Variants in PTPRD observed in about 807,000 individuals in gnomAD.
PTPRD encodes the protein protein tyrosine phosphatase receptor type D, also known as receptor-type tyrosine-protein phosphatase delta.
Under a neutral mutation model 214.5 loss-of-function variants are expected in PTPRD, and 34 were observed. The observed-to-expected ratio is 0.16, with a 90% CI of 0.12 to 0.21. The LOEUF (loss-of-function observed/expected upper bound fraction) is 0.21, where lower values mean the gene tolerates loss of function less well. Ranked by LOEUF, PTPRD falls within the 10% of genes least tolerant of loss-of-function variation. PTPRD has a pLI of 1.00. For synonymous variants in PTPRD, 1,128 were observed against 845.7 expected (o/e 1.33, Z -5.79); for missense variants, 2,545 against 2,398.7 (o/e 1.06, Z -1.27).
intron 13 of PTPRD, among the ~76,000 whole-genome samples, chr9:8,634,551 T>A (rs1276548661): frequency 6.6e-6 from 1 of 152,096 alleles, no homozygotes; most frequent in African/African-American, 2.4e-5. Flanking sequence ...TTGTTCAAAA[T>A]TCACAAAAAT....
chr9:8,625,252 C>A (rs2095983304), intron 14 of PTPRD, among the ~76,000 whole-genome samples: 1 of 151,750 alleles, frequency 6.6e-6, no homozygotes, highest in African/African-American at 2.4e-5. Context: ...TATACCTTCT[C>A]AAGTTTTTGT....
chr9:9,777,624 G>T (rs1055830960), intron 5 of PTPRD, among the ~76,000 whole-genome samples: 23 of 152,278 alleles, frequency 1.5e-4, no homozygotes, highest in African/African-American at 5.5e-4. Context: ...CTTGAGCCAG[G>T]AGGTCAAGTT....
chr9:9,385,074 G>T (rs1321776680), intron 9 of PTPRD, among the ~76,000 whole-genome samples: 1 of 151,992 alleles, frequency 6.6e-6, no homozygotes, highest in Non-Finnish European at 1.5e-5. Flanking sequence ...CTCTTTCATA[G>T]GTTGAACAAA....
intron 7 of PTPRD, among the ~76,000 whole-genome samples, chr9:9,690,748 C>A (rs977571443): frequency 6.6e-6 from 1 of 151,888 alleles, no homozygotes; most frequent in African/African-American, 2.4e-5. Flanking sequence ...ACACTTTCAA[C>A]ACCTTTGTTG....
intron 12 of PTPRD, among the ~76,000 whole-genome samples, chr9:8,673,623 T>A (rs147304493): frequency 1.6e-3 from 239 of 152,334 alleles, no homozygotes; most frequent in African/African-American, 5.5e-3. Context: ...ATCTCATTTA[T>A]GTTTTTCTCT....
chr9:10,337,987 T>C (rs1206021084), intron 3 of PTPRD, among the ~76,000 whole-genome samples: 2 of 151,702 alleles, frequency 1.3e-5, no homozygotes, highest in Non-Finnish European at 2.9e-5. Flanking sequence ...AAATTTATCT[T>C]GTTGGGAAAA....
At chr9:10,222,654 T>A (rs759890959) in intron 3 of PTPRD, among the ~76,000 whole-genome samples, 3 of 152,024 alleles carry the variant, frequency 2.0e-5, no homozygotes, top group Admixed American at 6.6e-5. Context: ...AAATCGTAAA[T>A]GCTCATAGAG....
intron 39 of PTPRD, among the ~76,000 whole-genome samples, chr9:8,346,298 A>T (rs945620026): frequency 6.6e-6 from 1 of 152,122 alleles, no homozygotes; most frequent in Non-Finnish European, 1.5e-5. Flanking sequence ...TGCTGAAATA[A>T]ATATATTAAA....
chr9:8,898,788 C>T (rs1239741176), intron 11 of PTPRD, among the ~76,000 whole-genome samples: 2 of 152,026 alleles, frequency 1.3e-5, no homozygotes, highest in Non-Finnish European at 2.9e-5. Flanking sequence ...GAGGACCATG[C>T]ATATCAGACA....
chr9:8,607,245 C>T (rs1191493833), intron 14 of PTPRD, among the ~76,000 whole-genome samples: 1 of 152,126 alleles, frequency 6.6e-6, no homozygotes, highest in Non-Finnish European at 1.5e-5. Context: ...TTAGTCATTC[C>T]ACAGTGTATA....
intron 2 of PTPRD, among the ~76,000 whole-genome samples, chr9:10,590,834 T>A (rs2132868898): frequency 6.6e-6 from 1 of 151,766 alleles, no homozygotes; most frequent in South Asian, 2.1e-4. Context: ...ACTACATAAG[T>A]CACTATTAGC....
chr9:8,724,954 A>AAT (rs2098541872), intron 12 of PTPRD, among the ~76,000 whole-genome samples: 1 of 152,136 alleles, frequency 6.6e-6, no homozygotes, highest in Admixed American at 6.6e-5. Context: ...AAATAATAAT[A>AAT]ATAGCTAAAA....
rs766220796 is a variant in PTPRD, at chr9:8,532,856, G to GT, written c.353-4078dup. On this transcript the variant is annotated intron_variant, in intron 14 of 45. Coordinates refer to ENST00000381196, the MANE Select transcript of PTPRD (RefSeq NM_002839.4). ...TATAGCACCCTCTTTGAATCTGTTG[G>GT]TATCTTAATGAAATATGCTGATACA... Among the ~76,000 whole-genome samples, 171 of 152,098 alleles carry GT rather than the reference G, an allele frequency of 1.1e-3. 1 individual carries two copies. The highest frequency in any genetic ancestry group is 3.4e-3 in the Middle Eastern group (1 of 294).
At chr9:10,258,351 C>T (rs1488723569) in intron 3 of PTPRD, among the ~76,000 whole-genome samples, 1 of 151,982 alleles carries the variant, frequency 6.6e-6, no homozygotes, top group Non-Finnish European at 1.5e-5. Flanking sequence ...GTGGTCTCAC[C>T]AGGTTGCACC....
intron 11 of PTPRD, among the ~76,000 whole-genome samples, chr9:8,782,931 G>A (rs561811187): frequency 1.5e-4 from 23 of 151,968 alleles, no homozygotes; most frequent in Non-Finnish European, 2.5e-4. Flanking sequence ...AATAGTCTAC[G>A]TAGCCAGAAA....
chr9:10,550,403 T>G (rs1390834600), intron 2 of PTPRD, among the ~76,000 whole-genome samples: 3 of 152,182 alleles, frequency 2.0e-5, no homozygotes, highest in Non-Finnish European at 2.9e-5. Flanking sequence ...TGGGTGAAGT[T>G]AGTCTAGGAT....
chr9:9,215,282 G>A (rs144194821), intron 9 of PTPRD, among the ~76,000 whole-genome samples: 1 of 152,198 alleles, frequency 6.6e-6, no homozygotes, highest in Non-Finnish European at 1.5e-5. Flanking sequence ...TTATGCAATG[G>A]AGCAGTTACA....
intron 9 of PTPRD, among the ~76,000 whole-genome samples, chr9:9,246,737 C>G (rs1287573265): frequency 1.3e-5 from 2 of 152,000 alleles, no homozygotes; most frequent in African/African-American, 4.8e-5. Flanking sequence ...ACTGGACTGG[C>G]CTATTCTTGG....
intron 4 of PTPRD, among the ~76,000 whole-genome samples, chr9:10,032,330 G>A (rs890720540): frequency 6.6e-6 from 1 of 152,116 alleles, no homozygotes. Context: ...ATGACTAAGG[G>A]ATTCTACAAT....
Sources: allele counts gnomAD v4.1 joint callset (sites outside exome capture counted in the v4.1 genomes callset), GRCh38; gene constraint gnomAD v4.1.1; transcripts MANE v1.5; gene names NCBI Gene and HGNC (gene_info 2026-07-23, HGNC 2026-07-21).